The following HS6ST2 variants were observed in gnomAD, a reference collection of about 807,000 sequenced individuals.
HS6ST2 encodes the protein heparan sulfate 6-O-sulfotransferase 2, also known as heparan-sulfate 6-O-sulfotransferase 2.
HS6ST2 carries 17 observed loss-of-function variants against 33.0 expected under a neutral mutation model. The observed-to-expected ratio is 0.52, with a 90% CI of 0.35 to 0.77. The LOEUF (loss-of-function observed/expected upper bound fraction) is 0.77, where lower values mean the gene tolerates loss of function less well. Among genes scored for constraint, HS6ST2 ranks in the 30% least tolerant of loss-of-function variants. HS6ST2 has a pLI of 0.01. For missense variants in HS6ST2, 519 were observed against 551.7 expected, an observed-to-expected ratio of 0.94 and a Z score of 0.59; for synonymous variants, 248 against 237.1, an observed-to-expected ratio of 1.05 and a Z score of -0.42.
At chrX:132,692,084 A>T (rs1413126328) in intron 3 of HS6ST2, among the ~76,000 whole-genome samples, 2 of 112,219 alleles carry the variant, frequency 1.8e-5, no homozygotes, top group Non-Finnish European at 3.8e-5. Context: ...TTACAATTTC[A>T]ATGGCTGATT....
At chrX:132,866,857 T>G (rs967734544) in intron 2 of HS6ST2, among the ~76,000 whole-genome samples, 20 of 107,789 alleles carry the variant, frequency 1.9e-4, no homozygotes, top group Non-Finnish European at 3.6e-4. Flanking sequence ...TGAAGTTGCT[T>G]ATGAGCTTAA....
At chrX:132,832,383 G>A (rs947136168) in intron 2 of HS6ST2, among the ~76,000 whole-genome samples, 3 of 111,755 alleles carry the variant, frequency 2.7e-5, no homozygotes, top group African/African-American at 9.7e-5. Flanking sequence ...TTTATGCCAT[G>A]TGTCTTATGT....
chrX:132,947,874 A>G (rs1361459816), intron 2 of HS6ST2, among the ~76,000 whole-genome samples: 1 of 111,292 alleles, frequency 9.0e-6, no homozygotes, highest in African/African-American at 3.3e-5. Context: ...GCTTGCATTG[A>G]CTCTCCTGTA....
At chrX:132,728,981 C>A (rs1456301893) in intron 2 of HS6ST2, among the ~76,000 whole-genome samples, 1 of 112,467 alleles carries the variant, frequency 8.9e-6, no homozygotes, top group Non-Finnish European at 1.9e-5. Context: ...ACTCCCTGGG[C>A]AGGTCAGTCC....
chrX:132,945,750 C>G (rs2066946042), intron 2 of HS6ST2, among the ~76,000 whole-genome samples: 1 of 103,634 alleles, frequency 9.6e-6, no homozygotes. Flanking sequence ...CAAAGTATCC[C>G]AAGGACAAAA....
intron 2 of HS6ST2, among the ~76,000 whole-genome samples, chrX:132,865,965 C>A (rs910412156): frequency 7.1e-5 from 8 of 111,929 alleles, no homozygotes; most frequent in Non-Finnish European, 7.5e-5. Context: ...TTTTTCTGTG[C>A]AGAAGCTCTT....
At chrX:132,945,576 G>A (rs2066943410) in intron 2 of HS6ST2, among the ~76,000 whole-genome samples, 1 of 110,473 alleles carries the variant, frequency 9.1e-6, no homozygotes, top group Admixed American at 9.7e-5. Flanking sequence ...TGCGGCATTA[G>A]TCACAATAGC....
chrX:132,635,383 C>T (rs2063545358), intron 4 of HS6ST2, among the ~76,000 whole-genome samples: 1 of 111,601 alleles, frequency 9.0e-6, no homozygotes. Context: ...CAGTCCCATG[C>T]CACTTCCACA....
chrX:132,829,326 CAT>C (rs2065564281), intron 2 of HS6ST2, among the ~76,000 whole-genome samples: 1 of 105,679 alleles, frequency 9.5e-6, no homozygotes. Context: ...ATATATAAAT[CAT>C]ATGTGATATA....
At chrX:132,855,332 G>A (rs1275015824) in intron 2 of HS6ST2, among the ~76,000 whole-genome samples, 1 of 112,081 alleles carries the variant, frequency 8.9e-6, no homozygotes. Flanking sequence ...CTTCCAGATA[G>A]GCATTATGCC....
intron 2 of HS6ST2, among the ~76,000 whole-genome samples, chrX:132,839,299 TATATATATATATATATAC>T (rs755818756): frequency 0.26 from 12,265 of 47,175 alleles, 696 homozygotes; most frequent in African/African-American, 0.39. Flanking sequence ...TATATATATA[TATATATATATATATATAC>T]ACACACATGT....
chrX:132,656,183 C>T (rs1202271903), intron 4 of HS6ST2, among the ~76,000 whole-genome samples: 1 of 111,518 alleles, frequency 9.0e-6, no homozygotes, highest in African/African-American at 3.3e-5. Context: ...TCAGTCTGGT[C>T]CCTTTCATCT....
chrX:132,756,626 T>G (rs1475180907), intron 2 of HS6ST2, among the ~76,000 whole-genome samples: 1 of 111,014 alleles, frequency 9.0e-6, no homozygotes, highest in Non-Finnish European at 1.9e-5. Flanking sequence ...GTGTGCTCTC[T>G]TGCTCCTGCA....
At chrX:132,740,886 AAAGC>A (rs1482769879) in intron 2 of HS6ST2, among the ~76,000 whole-genome samples, 2 of 111,808 alleles carry the variant, frequency 1.8e-5, no homozygotes, top group Non-Finnish European at 3.8e-5. Flanking sequence ...AAGGAAATGA[AAAGC>A]AAGGAGTATA....
intron 3 of HS6ST2, among the ~76,000 whole-genome samples, chrX:132,702,579 C>T (rs1254627171): frequency 8.9e-6 from 1 of 111,821 alleles, no homozygotes; most frequent in Non-Finnish European, 1.9e-5. Flanking sequence ...TCCAGGATAT[C>T]ATGAAATGGA....
intron 4 of HS6ST2, among the ~76,000 whole-genome samples, chrX:132,634,404 A>T (rs1246555328): frequency 8.9e-6 from 1 of 112,326 alleles, no homozygotes; most frequent in Non-Finnish European, 1.9e-5. Flanking sequence ...CTTTCTTGTG[A>T]CCAAATGTAT....
chrX:132,693,929 G>T (rs2046361538), intron 3 of HS6ST2, among the ~76,000 whole-genome samples: 1 of 112,071 alleles, frequency 8.9e-6, no homozygotes, highest in Non-Finnish European at 1.9e-5. Flanking sequence ...CTCAGGGAAT[G>T]GGTCTACAAT....
chrX:132,694,422 A>T (rs1211395237), intron 3 of HS6ST2, among the ~76,000 whole-genome samples: 1 of 111,640 alleles, frequency 9.0e-6, no homozygotes, highest in Admixed American at 9.6e-5. Flanking sequence ...GCCCTGAGGC[A>T]GCAAGAGGCC....
At chrX:132,845,873 C>T (rs1343787315) in intron 2 of HS6ST2, among the ~76,000 whole-genome samples, 2 of 111,403 alleles carry the variant, frequency 1.8e-5, no homozygotes, top group Non-Finnish European at 3.8e-5. Flanking sequence ...GAATAAAAGT[C>T]ACAAAATGAA....
Sources: gnomAD v4.1 joint callset for allele counts (sites outside exome capture counted in the v4.1 genomes callset) on GRCh38, gnomAD v4.1.1 for gene constraint, MANE v1.5 for transcripts, NCBI Gene and HGNC (gene_info 2026-07-23, HGNC 2026-07-21) for gene names.